Variants in SLC38A11 observed in about 807,000 individuals in gnomAD.
The protein encoded by SLC38A11 is solute carrier family 38 member 11.
Under a neutral mutation model 49.4 loss-of-function variants are expected in SLC38A11, and 51 were observed. That is an observed-to-expected ratio of 1.03 (90% confidence interval 0.83 to 1.30). The LOEUF is 1.30. Among genes scored for constraint, SLC38A11 ranks in the 50% most tolerant of loss-of-function variants. The pLI is 0.00. For missense variants in SLC38A11, 574 were observed against 556.2 expected, an observed-to-expected ratio of 1.03 and a Z score of -0.32; for synonymous variants, 203 against 192.9, an observed-to-expected ratio of 1.05 and a Z score of -0.43.
intron 3 of SLC38A11, among the ~76,000 whole-genome samples, chr2:164,947,117 C>CTTTTTTTTTTTTTTTTTTTTTTTTTTT (rs200284770): frequency 2.7e-5 from 2 of 72,910 alleles, no homozygotes; most frequent in African/African-American, 7.7e-5. Flanking sequence ...TTTTTTATCT[C>CTTTTTTTTTTTTTTTTTTTTTTTTTTT]TTTTTTTTTT....
chr2:164,920,139 T>C (rs1364553314), intron 7 of SLC38A11, among the ~76,000 whole-genome samples: 3 of 152,030 alleles, frequency 2.0e-5, no homozygotes, highest in Non-Finnish European at 4.4e-5. Flanking sequence ...CCGGGTGTGG[T>C]GGCGTGGGCC....
intron 11 of SLC38A11, among the ~76,000 whole-genome samples, chr2:164,905,938 A>G (rs980187043): frequency 6.6e-6 from 1 of 152,312 alleles, no homozygotes; most frequent in East Asian, 1.9e-4. Flanking sequence ...AGTTTTCAAT[A>G]TAAGTATAAT....
At chr2:164,934,272 C>T (rs1337657253) in intron 7 of SLC38A11, among the ~76,000 whole-genome samples, 7 of 152,024 alleles carry the variant, frequency 4.6e-5, no homozygotes, top group Admixed American at 4.6e-4. Flanking sequence ...CTGAAAGAAA[C>T]AAGCGGAGAA....
rs1684428735 is a variant in SLC38A11, at chr2:164,898,175, T to G, written c.*262A>C. The G allele has an allele frequency of 8.2e-6, 2 of 244,880 alleles. No homozygotes were observed. Among genetic ancestry groups the G allele is most frequent in the Non-Finnish European group, 1.5e-5 (2 of 131,868 alleles). The allele number at this position is 244,880 out of a possible 1,614,324, so 15.2% of individuals were successfully genotyped here. ...TAAATAAAAGGGGGATGGCAGAAAA[T>G]GCTAAAGGCTTAACTCTCCCTTCTT... is the stretch of plus-strand genomic sequence containing the variant. On this transcript the variant is annotated 3_prime_UTR_variant, in exon 12 of 12. Transcript: ENST00000685975.
In SLC38A11 at chr2:164,949,816, C is replaced by G. The variant is rs1315992278; in HGVS notation, c.229+2891G>C. 4 of 152,280 alleles carry G rather than the reference C, an allele frequency of 2.6e-5. No individual in the cohort carries two copies. The East Asian group carries it at 7.7e-4, about 29-fold the overall frequency. 9.4% of individuals were successfully genotyped at this position (152,280 alleles called of 1,614,324 possible). ...GATGGCTGAGAACGTCTGCATGTGA[C>G]TGTTGGTCACAGAGTGAGAGAGCAG... On this transcript the variant is annotated intron_variant, in intron 3 of 11. Transcript: ENST00000685975.
intron 1 of SLC38A11, 148 bp downstream of exon 1, chr2:164,955,059 AAG>A: frequency 1.6e-6 from 1 of 625,284 alleles, no homozygotes; most frequent in Non-Finnish European, 2.7e-6. Flanking sequence ...AAAAAAAAAA[AAG>A]TCAGATTAAG....
intron 10 of SLC38A11, among the ~76,000 whole-genome samples, chr2:164,911,111 A>C (rs545768165): frequency 6.6e-6 from 1 of 152,144 alleles, no homozygotes; most frequent in Admixed American, 6.6e-5. Context: ...TATCTGTAAA[A>C]CTAAAAGTTT....
chr2:164,950,256 A>T (rs1321509113), intron 3 of SLC38A11: 1 of 152,176 alleles, frequency 6.6e-6, no homozygotes, highest in Non-Finnish European at 1.5e-5. Context: ...CTTGATTCTC[A>T]TTGATTCTCA....
chr2:164,941,655 C>T lies in SLC38A11; in HGVS notation c.431-2099G>A, dbSNP rs186684305. Among the ~76,000 whole-genome samples the T allele has an allele frequency of 1.1e-3, 173 of 151,936 alleles. 1 individual carries two copies. Among genetic ancestry groups the T allele is most frequent in the Middle Eastern group, 6.8e-3 (2 of 294 alleles). ...TATAATATTTTATTTTTATGAAGAG[C>T]GTTATTCATACATTCTTTGTATAAT... On this transcript the variant is annotated intron_variant, in intron 5 of 11. Transcript: ENST00000685975.
rs765572811 is a variant in SLC38A11 at position 164,937,377 on chromosome 2, G to C, written c.590C>G (p.Ala197Gly). ...GTGTGGACCCAGTGAAATTGCCCTT[G>C]CCATTACAATTCCAAGAATCAGAGT... ...LTTLILGIVM[A>G]RAISLGPHIP... is the part of the protein sequence containing the mutation. Residue 197 changes from alanine to glycine, a missense_variant, in exon 7 of 12, where the codon GCA (alanine) becomes GGA (glycine). By Grantham distance (60) the Ala-to-Gly change is moderately conservative. Transcript: ENST00000685975. 6.2e-7 allele frequency: 1 copy of C among 1,611,540 alleles called. No individual in the cohort carries two copies. The highest frequency in any genetic ancestry group is 1.3e-5 in the African/African-American group (1 of 74,804).
At position 164,955,227 on chromosome 2, in the gene SLC38A11, C is replaced by T. The variant is rs1246677616; in HGVS notation, c.21G>A (p.Glu7=). The change falls in exon 1 of 12, where the codon GAG becomes GAA. Residue 7 remains glutamate, a synonymous_variant. Coordinates refer to ENST00000685975, the MANE Select transcript of SLC38A11 (RefSeq NM_001351537.2). The stretch of plus-strand genomic sequence containing the variant: ...GTTTTACCTGCGGCGGGATGACAGG[C>T]TCCTGCCTCTGGTAGCCCATGGCTG... MGYQRQ[E]PVIPPQRDLD... The T allele has an allele frequency of 6.4e-7, 1 of 1,550,566 alleles. No individual in the cohort carries two copies. Among genetic ancestry groups the T allele is most frequent in the Admixed American group, 2.0e-5 (1 of 51,010 alleles).
At chr2:164,908,551 G>C in intron 11 of SLC38A11, 89 bp downstream of exon 11, 2 of 1,239,222 alleles carry the variant, frequency 1.6e-6, no homozygotes, top group Non-Finnish European at 2.1e-6. Context: ...TGACACTTTT[G>C]TTAAGGAAAA....
intron 7 of SLC38A11, among the ~76,000 whole-genome samples, chr2:164,929,058 T>C (rs1686799020): frequency 6.6e-6 from 1 of 152,108 alleles, no homozygotes; most frequent in African/African-American, 2.4e-5. Context: ...TGTTTTGCCA[T>C]GTTACTTTCA....
intron 9 of SLC38A11, among the ~76,000 whole-genome samples, chr2:164,914,775 G>A (rs1380904968): frequency 6.6e-6 from 1 of 152,030 alleles, no homozygotes; most frequent in African/African-American, 2.4e-5. Flanking sequence ...GATTCAGAGA[G>A]ATTCGGGAGA....
chr2:164,947,436 T>G (rs982669977), intron 3 of SLC38A11, among the ~76,000 whole-genome samples: 3 of 152,024 alleles, frequency 2.0e-5, no homozygotes, highest in African/African-American at 4.8e-5. Context: ...CTGGCCTTTT[T>G]TCTCACCCTT....
chr2:164,944,296 G>A (rs1054038255), intron 5 of SLC38A11, among the ~76,000 whole-genome samples: 7 of 152,044 alleles, frequency 4.6e-5, no homozygotes, highest in African/African-American at 1.7e-4. Flanking sequence ...CCAGAGAGCT[G>A]GTGATATGAA....
At chr2:164,935,111 T>C (rs757418963) in intron 7 of SLC38A11, among the ~76,000 whole-genome samples, 3 of 152,128 alleles carry the variant, frequency 2.0e-5, no homozygotes, top group Non-Finnish European at 2.9e-5. Flanking sequence ...ACTTTGGCAC[T>C]GTCTCGGCTT....
At chr2:164,928,482 T>C (rs1483835433) in intron 7 of SLC38A11, among the ~76,000 whole-genome samples, 1 of 152,192 alleles carries the variant, frequency 6.6e-6, no homozygotes, top group Non-Finnish European at 1.5e-5. Context: ...TGAATTCTAA[T>C]TCTTTGTTAG....
At chr2:164,943,529 G>A (rs1687918835) in intron 5 of SLC38A11, among the ~76,000 whole-genome samples, 1 of 152,160 alleles carries the variant, frequency 6.6e-6, no homozygotes, top group Non-Finnish European at 1.5e-5. Flanking sequence ...CATTTACCTG[G>A]CATTCTGAAA....
Sources: gnomAD v4.1 joint callset for allele counts (sites outside exome capture counted in the v4.1 genomes callset) on GRCh38, gnomAD v4.1.1 for gene constraint, MANE v1.5 for transcripts, NCBI Gene and HGNC (gene_info 2026-07-23, HGNC 2026-07-21) for gene names.